The following UTRN variants were observed in gnomAD, a reference collection of about 807,000 sequenced individuals.
UTRN encodes the protein utrophin, also known as dystrophin-related protein 1.
Under a neutral mutation model 463.9 loss-of-function variants are expected in UTRN, and 283 were observed. The observed-to-expected ratio is 0.61, with a 90% CI of 0.55 to 0.67. The LOEUF (loss-of-function observed/expected upper bound fraction) is 0.67, where lower values mean the gene tolerates loss of function less well. UTRN is among the 30% of genes least tolerant of loss of function. UTRN has a pLI of 0.00. For synonymous variants in UTRN, 1,442 were observed against 1,431.5 expected, an observed-to-expected ratio of 1.01 and a Z score of -0.17; for missense variants, 3,922 against 4,084.3, an observed-to-expected ratio of 0.96 and a Z score of 1.08.
chr6:144,833,168 T>C (rs1449615275), intron 69 of UTRN, among the ~76,000 whole-genome samples: 1 of 152,216 alleles, frequency 6.6e-6, no homozygotes, highest in African/African-American at 2.4e-5. Flanking sequence ...CCTCTATTTT[T>C]ATCGTAACAC....
intron 2 of UTRN, among the ~76,000 whole-genome samples, chr6:144,353,420 A>ATT (rs35761189): frequency 1.8e-3 from 244 of 138,842 alleles, no homozygotes; most frequent in East Asian, 3.9e-3. Flanking sequence ...GGCCCTTCTG[A>ATT]TTTTTTTTTT....
intron 28 of UTRN, 22 bp from the exon 29 acceptor site, chr6:144,487,526 T>C (rs1316930329): frequency 1.9e-6 from 3 of 1,571,896 alleles, no homozygotes; most frequent in Non-Finnish European, 2.6e-6. Context: ...ATTATTATTT[T>C]TTTTTCCCAT....
chr6:144,473,697 C>G (rs751659460), intron 23 of UTRN, 23 bp from the exon 24 acceptor site: 1 of 1,596,990 alleles, frequency 6.3e-7, no homozygotes, highest in South Asian at 1.1e-5. Context: ...GTAATATCCC[C>G]CTCTGTTATC....
At chr6:144,812,686 G>A (rs1778727868) in intron 65 of UTRN, among the ~76,000 whole-genome samples, 1 of 152,126 alleles carries the variant, frequency 6.6e-6, no homozygotes, top group African/African-American at 2.4e-5. Flanking sequence ...CTGTATTTTG[G>A]TTGGTAAAAT....
intron 51 of UTRN, among the ~76,000 whole-genome samples, chr6:144,633,659 A>G (rs1379806850): frequency 1.3e-5 from 2 of 152,194 alleles, no homozygotes; most frequent in Admixed American, 1.3e-4. Flanking sequence ...CAGAGTAGTC[A>G]TCAAAAGGAA....
chr6:144,674,911 G>A lies in UTRN; in HGVS notation c.7480-3495G>A, dbSNP rs145564718. 2.2e-3 allele frequency among the ~76,000 whole-genome samples: 333 copies of A among 152,276 alleles called. 2 individuals carry two copies. The highest frequency in any genetic ancestry group is 3.3e-3 in the Non-Finnish European group (224 of 68,026). ...TTACCTTTCTCTGGTGCCTCCTTGA[G>A]TAGCTTAATAATCAGCCTTCTGAAT... is the stretch of plus-strand genomic sequence containing the variant. On this transcript the variant is annotated intron_variant, in intron 51 of 74. Transcript: ENST00000367545.
Position 144,536,981 on chromosome 6 carries a change from T to C in UTRN, c.6234-601T>C, listed in dbSNP as rs76004781. Among the ~76,000 whole-genome samples, 70 of 152,218 alleles carry C rather than the reference T, an allele frequency of 4.6e-4. No individual in the cohort carries two copies. The East Asian group carries it at 0.013, about 28-fold the overall frequency. ...CTTTGTTTTTTTCTATATCTCTTTT[T>C]GTAACAGTGCTCTATTCAAATATAA... On this transcript the variant is annotated intron_variant, in intron 43 of 74. Coordinates refer to ENST00000367545, the MANE Select transcript of UTRN (RefSeq NM_007124.3).
At chr6:144,771,298 A>C (rs1027600242) in intron 58 of UTRN, among the ~76,000 whole-genome samples, 3 of 152,150 alleles carry the variant, frequency 2.0e-5, no homozygotes, top group African/African-American at 2.4e-5. Context: ...TTTATAAAAA[A>C]CTTTTGTATA....
chr6:144,487,405 ATTTAC>A (rs1253364166), intron 28 of UTRN, 138 bp from the exon 29 acceptor site: 4 of 753,834 alleles, frequency 5.3e-6, no homozygotes, highest in Middle Eastern at 6.2e-4. Context: ...TGAATTAGTA[ATTTAC>A]TTAACTTTTG....
chr6:144,548,332 A>C (rs1459397280), intron 46 of UTRN, among the ~76,000 whole-genome samples: 4 of 152,356 alleles, frequency 2.6e-5, no homozygotes, highest in East Asian at 3.9e-4. Flanking sequence ...CTTTATAATT[A>C]AAATCATCTT....
Position 144,511,019 on chromosome 6 carries a change from T to G in UTRN, c.4840T>G (p.Leu1614Val). The G allele has an allele frequency of 6.2e-7, 1 of 1,613,430 alleles. No homozygotes were observed. The highest frequency in any genetic ancestry group is 8.5e-7 in the Non-Finnish European group (1 of 1,179,536). Residue 1614 changes from leucine to valine, a missense_variant, in exon 35 of 75, where the codon TTG becomes GTG. This residue lies in a region of UTRN where 2,349 missense variants were observed against 2,303.8 expected (regional missense o/e 1.02). Coordinates refer to ENST00000367545, the MANE Select transcript of UTRN (RefSeq NM_007124.3). ...ITESSAALQN[L>V]IEGSEPILEE... ...AGAGAGTAGTGCTGCCCTGCAAAACTTGATTGAGGGCAGTGAGCCTATTTT... is the reference window on the plus strand; with the variant it reads ...AGAGAGTAGTGCTGCCCTGCAAAACGTGATTGAGGGCAGTGAGCCTATTTT...
chr6:144,292,861 T>C (rs969618334), intron 2 of UTRN, among the ~76,000 whole-genome samples: 1 of 152,220 alleles, frequency 6.6e-6, no homozygotes, highest in Non-Finnish European at 1.5e-5. Flanking sequence ...TTGTTTCTTA[T>C]TATGTGAAAC....
intron 58 of UTRN, among the ~76,000 whole-genome samples, chr6:144,768,793 C>T (rs1002757376): frequency 6.6e-6 from 1 of 152,032 alleles, no homozygotes. Context: ...TTGCAGGATA[C>T]CCACTCATTT....
chr6:144,493,045 A>G (rs141034894), intron 32 of UTRN, among the ~76,000 whole-genome samples: 71 of 152,344 alleles, frequency 4.7e-4, no homozygotes, highest in African/African-American at 1.5e-3. Flanking sequence ...AAGTACTTTC[A>G]TAAGCATTTG....
At chr6:144,664,416 A>G (rs776206472) in intron 51 of UTRN, among the ~76,000 whole-genome samples, 1 of 149,380 alleles carries the variant, frequency 6.7e-6, no homozygotes, top group Admixed American at 6.7e-5. Flanking sequence ...TTTTCATCAC[A>G]CTATCTGAGT....
At chr6:144,730,520 A>T (rs1448578307) in intron 54 of UTRN, 34 bp downstream of exon 54, 2 of 1,561,946 alleles carry the variant, frequency 1.3e-6, no homozygotes, top group Non-Finnish European at 1.7e-6. Flanking sequence ...TCATAAAAAC[A>T]CATGCTAGGA....
At chr6:144,400,861 A>G (rs1487142203) in intron 2 of UTRN, among the ~76,000 whole-genome samples, 1 of 152,216 alleles carries the variant, frequency 6.6e-6, no homozygotes, top group African/African-American at 2.4e-5. Context: ...TTGAAATATT[A>G]TCTTACTCAT....
At position 144,354,376 on chromosome 6, in the gene UTRN, G is replaced by A. The variant is rs527886168; in HGVS notation, c.80-48747G>A. On this transcript the variant is annotated intron_variant, in intron 2 of 74. Coordinates refer to ENST00000367545, the MANE Select transcript of UTRN (RefSeq NM_007124.3). ...GGAGAAATAATTAGCAAGTGAAAAA[G>A]TTCTTCCACCGAAAGGACAATGCAA... Among the ~76,000 whole-genome samples, 316 of 152,308 alleles carry A rather than the reference G, an allele frequency of 2.1e-3. 5 individuals carry two copies. The highest frequency in any genetic ancestry group is 3.6e-3 in the Admixed American group (55 of 15,298).
intron 2 of UTRN, among the ~76,000 whole-genome samples, chr6:144,362,106 G>T (rs1486864604): frequency 2.6e-5 from 4 of 152,180 alleles, no homozygotes; most frequent in Admixed American, 6.5e-5. Flanking sequence ...CAACTCATTG[G>T]AGCTGATTTA....
Sources: gnomAD v4.1 joint callset for allele counts (sites outside exome capture counted in the v4.1 genomes callset) on GRCh38, gnomAD v4.1.1 for gene constraint, gnomAD v4.1.1 regional missense constraint, MANE v1.5 for transcripts, NCBI Gene and HGNC (gene_info 2026-07-23, HGNC 2026-07-21) for gene names.